DDAH1: variants seen among roughly 807,000 people sequenced by gnomAD.
The protein encoded by DDAH1 is N(G),N(G)-dimethylarginine dimethylaminohydrolase 1.
Under a neutral mutation model 28.8 loss-of-function variants are expected in DDAH1, and 19 were observed. The ratio of observed to expected loss-of-function variants is 0.66; its 90% CI spans 0.46 to 0.97. The LOEUF is 0.97. Among genes scored for constraint, DDAH1 ranks in the 50% least tolerant of loss-of-function variants. The pLI is 0.00. For synonymous variants in DDAH1, 153 were observed against 154.4 expected (o/e 0.99, Z 0.07); for missense variants, 326 against 375.9 (o/e 0.87, Z 1.10).
At chr1:85,499,025 A>G (rs12085736) in intron 1 of DDAH1, among the ~76,000 whole-genome samples, 44,560 of 152,022 alleles carry the variant, frequency 0.29, 6,706 homozygotes, top group East Asian at 0.48. Context: ...AAACAAATAG[A>G]TGGGAGAAAA....
chr1:85,388,354 CTT>C (rs773354550), intron 1 of DDAH1, among the ~76,000 whole-genome samples: 4 of 152,270 alleles, frequency 2.6e-5, no homozygotes, highest in Non-Finnish European at 5.9e-5. Flanking sequence ...AAAAAATAAA[CTT>C]TCTCTTGAAC....
At position 85,415,392 on chromosome 1, in the gene DDAH1, ATCT is replaced by A. The variant is rs575971985; in HGVS notation, c.303+49348_303+49350del. The stretch of plus-strand genomic sequence containing the variant: ...TCAGCAGTACTTACTATAGCTTAAA[ATCT>A]TGTACACTTTACAAGCCAGCTCTAC... On this transcript the variant is annotated intron_variant, in intron 1 of 5. Transcript: ENST00000284031. 7.0e-3 allele frequency among the ~76,000 whole-genome samples: 1,062 copies of A among 152,324 alleles called. 11 individuals carry two copies. Among genetic ancestry groups the A allele is most frequent in the African/African-American group, 0.024 (1,012 of 41,570 alleles).
intron 1 of DDAH1, among the ~76,000 whole-genome samples, chr1:85,392,460 A>G (rs951042477): frequency 2.0e-5 from 3 of 152,180 alleles, no homozygotes; most frequent in East Asian, 1.9e-4. Flanking sequence ...GAGGGTATCA[A>G]TTCAACTCAT....
Position 85,361,272 on chromosome 1 carries a change from A to G in DDAH1, c.304-2425T>C, listed in dbSNP as rs577264991. ...GGCAGTTAGAACACTAAATATAACT[A>G]TAGAAGTGGGAGTTTTTGCAGGAAA... On this transcript the variant is annotated intron_variant, in intron 1 of 5. Transcript: ENST00000284031. Among the ~76,000 whole-genome samples, 3 of 152,354 alleles carry G rather than the reference A, an allele frequency of 2.0e-5. No homozygotes were observed. In the South Asian group the frequency reaches 6.2e-4, roughly 32 times the overall value.
intron 1 of DDAH1, among the ~76,000 whole-genome samples, chr1:85,427,401 T>C (rs149057824): frequency 6.6e-6 from 1 of 152,190 alleles, no homozygotes; most frequent in African/African-American, 2.4e-5. Flanking sequence ...GATCTCTAAC[T>C]GTCAAAAAGC....
At chr1:85,513,754 G>T (rs543782142) in intron 1 of DDAH1, among the ~76,000 whole-genome samples, 74 of 152,338 alleles carry the variant, frequency 4.9e-4, no homozygotes, top group African/African-American at 1.7e-3. Flanking sequence ...ATGAAAAAAT[G>T]CTCATCATCA....
chr1:85,360,898 G>A (rs1570431386), intron 1 of DDAH1, among the ~76,000 whole-genome samples: 1 of 152,132 alleles, frequency 6.6e-6, no homozygotes, highest in South Asian at 2.1e-4. Context: ...ACTAGCTCTT[G>A]TGCAGGGGCA....
chr1:85,512,000 G>A (rs1487872587), intron 1 of DDAH1, among the ~76,000 whole-genome samples: 3 of 152,152 alleles, frequency 2.0e-5, no homozygotes, highest in Admixed American at 6.6e-5. Flanking sequence ...CTCATTTTAC[G>A]AGGCCAGCAT....
At chr1:85,436,533 G>A (rs1653952501) in intron 1 of DDAH1, among the ~76,000 whole-genome samples, 1 of 152,318 alleles carries the variant, frequency 6.6e-6, no homozygotes, top group Middle Eastern at 3.4e-3. Flanking sequence ...ATATGCTATA[G>A]CAATCTGGGA....
intron 1 of DDAH1, among the ~76,000 whole-genome samples, chr1:85,408,067 A>G (rs1652489240): frequency 6.6e-6 from 1 of 152,196 alleles, no homozygotes; most frequent in Non-Finnish European, 1.5e-5. Context: ...TGAGTATTAG[A>G]CGCATTGCAC....
At chr1:85,440,801 C>T (rs1654155515) in intron 1 of DDAH1, among the ~76,000 whole-genome samples, 1 of 143,544 alleles carries the variant, frequency 7.0e-6, no homozygotes, top group Non-Finnish European at 1.5e-5. Context: ...AAAGTCTGGG[C>T]AGGGCCCAAA....
At chr1:85,379,819 T>C (rs1358567825) in intron 1 of DDAH1, 2 of 517,162 alleles carry the variant, frequency 3.9e-6, no homozygotes, top group African/African-American at 4.1e-5. Context: ...TGACTCCTTC[T>C]GAGTTCCTCA....
At chr1:85,544,100 A>G (rs1250599443) in intron 1 of DDAH1, among the ~76,000 whole-genome samples, 1 of 152,224 alleles carries the variant, frequency 6.6e-6, no homozygotes, top group East Asian at 1.9e-4. Flanking sequence ...ATGTACATAG[A>G]AAACTGCCTG....
At chr1:85,485,081 A>G (rs1361443339) in intron 2 of DDAH1, among the ~76,000 whole-genome samples, 3 of 152,210 alleles carry the variant, frequency 2.0e-5, no homozygotes, top group Non-Finnish European at 4.4e-5. Flanking sequence ...CATGCTATAG[A>G]TTCCCATCTT....
At chr1:85,468,234 T>A (rs1442048733), upstream of DDAH1, among the ~76,000 whole-genome samples, 1 of 152,224 alleles carries the variant, frequency 6.6e-6, no homozygotes, top group Non-Finnish European at 1.5e-5. Flanking sequence ...TGATTGATTC[T>A]CAACTCTTTT....
At chr1:85,560,066 A>G (rs1171887780) in intron 1 of DDAH1, among the ~76,000 whole-genome samples, 2 of 152,156 alleles carry the variant, frequency 1.3e-5, no homozygotes, top group Non-Finnish European at 2.9e-5. Flanking sequence ...GCAGCCAGAG[A>G]GAAAAAGACT....
At chr1:85,322,497 G>A (rs1309148112) in intron 5 of DDAH1, among the ~76,000 whole-genome samples, 1 of 152,188 alleles carries the variant, frequency 6.6e-6, no homozygotes, top group Non-Finnish European at 1.5e-5. Flanking sequence ...ACAATCTCCT[G>A]TGCTTCTTTA....
At chr1:85,336,854 C>T (rs554443832) in intron 4 of DDAH1, among the ~76,000 whole-genome samples, 3 of 151,768 alleles carry the variant, frequency 2.0e-5, no homozygotes, top group South Asian at 4.2e-4. Context: ...TTCATGAGGC[C>T]GGGATTACCC....
intron 2 of DDAH1, chr1:85,482,259 C>G (rs562467866): frequency 1.3e-5 from 2 of 152,230 alleles, no homozygotes; most frequent in South Asian, 4.1e-4. Context: ...ACCACTGCAA[C>G]CAAGACAGAG....
Sources: gnomAD v4.1 joint callset for allele counts (sites outside exome capture counted in the v4.1 genomes callset) on GRCh38, gnomAD v4.1.1 for gene constraint, MANE v1.5 for transcripts, NCBI Gene and HGNC (gene_info 2026-07-23, HGNC 2026-07-21) for gene names.